CCDC148: variants seen among roughly 807,000 people sequenced by gnomAD.
The protein encoded by CCDC148 is coiled-coil domain containing 148, also known as coiled-coil domain-containing protein 148.
CCDC148 carries 89 observed loss-of-function variants against 85.7 expected under a neutral mutation model. The ratio of observed to expected loss-of-function variants is 1.04; its 90% CI spans 0.87 to 1.24. The LOEUF (loss-of-function observed/expected upper bound fraction) is 1.24, where lower values mean the gene tolerates loss of function less well. Ranked by LOEUF, CCDC148 falls within the 50% of genes most tolerant of loss-of-function variation. CCDC148 has a pLI of 0.00. For synonymous variants in CCDC148, 230 were observed against 213.9 expected, an observed-to-expected ratio of 1.08 and a Z score of -0.66; for missense variants, 692 against 671.7, an observed-to-expected ratio of 1.03 and a Z score of -0.33.
chr2:158,228,147 A>G (rs963898287), intron 10 of CCDC148, among the ~76,000 whole-genome samples: 102 of 152,186 alleles, frequency 6.7e-4, no homozygotes, highest in African/African-American at 2.3e-3. Context: ...AGTGGGCAAA[A>G]GATATGAACA....
At chr2:158,338,962 C>A (rs969568758) in intron 6 of CCDC148, 28 bp downstream of exon 6, 2 of 1,599,828 alleles carry the variant, frequency 1.3e-6, no homozygotes, top group Non-Finnish European at 1.7e-6. Context: ...TTGATAAACA[C>A]ATAAATTATT....
intron 1 of CCDC148, among the ~76,000 whole-genome samples, chr2:158,439,323 G>A (rs989502794): frequency 2.0e-5 from 3 of 151,548 alleles, no homozygotes; most frequent in African/African-American, 7.2e-5. Flanking sequence ...CATGTCCTTT[G>A]TAGGGACATG....
At chr2:158,185,848 T>C (rs190151245) in intron 11 of CCDC148, among the ~76,000 whole-genome samples, 22 of 152,236 alleles carry the variant, frequency 1.4e-4, no homozygotes, top group African/African-American at 4.8e-4. Flanking sequence ...ATGGGGCTCA[T>C]TGTTTATAGA....
Position 158,340,381 on chromosome 2 carries a change from G to A in CCDC148, c.347C>T (p.Ser116Leu). ...CDLTNFEQEL[S>L]EQQCTYLKNV... ...TTTAAGATATGTGCACTGTTGTTCTGATAGCTCTTGCTCTATGGTGAAACA... is the reference window on the plus strand; with the variant it reads ...TTTAAGATATGTGCACTGTTGTTCTAATAGCTCTTGCTCTATGGTGAAACA... Residue 116 changes from serine to leucine, a missense_variant, in exon 5 of 14, where the codon TCA becomes TTA. Transcript: ENST00000283233. 6.2e-7 allele frequency: 1 copy of A among 1,613,506 alleles called. No homozygotes were observed. Among genetic ancestry groups the A allele is most frequent in the Non-Finnish European group, 8.5e-7 (1 of 1,179,798 alleles).
chr2:158,284,832 T>G (rs2105180598), intron 9 of CCDC148, among the ~76,000 whole-genome samples: 1 of 152,252 alleles, frequency 6.6e-6, no homozygotes, highest in South Asian at 2.1e-4. Context: ...TCTGTAGAAA[T>G]TATCACAAAC....
At chr2:158,314,985 T>C (rs1349799062) in intron 7 of CCDC148, among the ~76,000 whole-genome samples, 1 of 152,178 alleles carries the variant, frequency 6.6e-6, no homozygotes, top group Non-Finnish European at 1.5e-5. Flanking sequence ...ATTATTATTC[T>C]GATAAGTAGC....
In CCDC148 at chr2:158,336,376, T is replaced by C. The variant is rs530489161; in HGVS notation, c.764+2350A>G. ...CAGTTTTTATTGATGCTTCATTATTTCCTGCCAGCATATTTATAAAATATT... is the reference window on the plus strand; with the variant it reads ...CAGTTTTTATTGATGCTTCATTATTCCCTGCCAGCATATTTATAAAATATT... On this transcript the variant is annotated intron_variant, in intron 7 of 13. Transcript: ENST00000283233. Among the ~76,000 whole-genome samples the C allele has an allele frequency of 3.9e-5, 6 of 152,316 alleles. No homozygotes were observed. The East Asian group carries it at 1.2e-3, about 29-fold the overall frequency.
chr2:158,175,515 T>A (rs1353951450), intron 13 of CCDC148, among the ~76,000 whole-genome samples: 2 of 151,978 alleles, frequency 1.3e-5, no homozygotes, highest in African/African-American at 4.8e-5. Flanking sequence ...ATTACAGAGT[T>A]GATCCCACCC....
rs1684736039 is a variant in CCDC148, at chr2:158,178,994, A to G, written c.1373T>C (p.Val458Ala). ...AEQSLKDRER[V>A]KYRQELLERR... ...TTCCAATAATTCTTGTCTATATTTA[A>G]CCCTTTAAAAATAACACAGAAGGAA... Residue 458 changes from valine (V) to alanine (A), a missense_variant and splice_region_variant, in exon 12 of 14, where the codon GTT becomes GCT. By Grantham distance (64) the Val-to-Ala change is moderately conservative (BLOSUM62 0). Coordinates refer to ENST00000283233, the MANE Select transcript of CCDC148 (RefSeq NM_138803.4). The G allele has an allele frequency of 6.2e-7, 1 of 1,608,220 alleles. No individual in the cohort carries two copies. Among genetic ancestry groups the G allele is most frequent in the Admixed American group, 1.7e-5 (1 of 59,898 alleles).
At chr2:158,277,839 G>A (rs949587999) in intron 9 of CCDC148, among the ~76,000 whole-genome samples, 11 of 152,040 alleles carry the variant, frequency 7.2e-5, no homozygotes, top group Non-Finnish European at 1.5e-4. Flanking sequence ...CTTGTGATCC[G>A]CCCACTTCAG....
intron 7 of CCDC148, among the ~76,000 whole-genome samples, chr2:158,319,692 C>A (rs1692437138): frequency 1.3e-5 from 2 of 152,084 alleles, no homozygotes; most frequent in Non-Finnish European, 1.5e-5. Flanking sequence ...TGACAGCAAA[C>A]TGAAAAAGAG....
At chr2:158,294,975 GC>G (rs1442799164) in intron 9 of CCDC148, among the ~76,000 whole-genome samples, 1 of 151,928 alleles carries the variant, frequency 6.6e-6, no homozygotes, top group African/African-American at 2.4e-5. Flanking sequence ...AATACTAATA[GC>G]CCCCTGTGGT....
intron 9 of CCDC148, among the ~76,000 whole-genome samples, chr2:158,261,269 A>C (rs946278850): frequency 2.6e-5 from 4 of 152,090 alleles, no homozygotes; most frequent in Non-Finnish European, 5.9e-5. Flanking sequence ...GTAATGGGGA[A>C]AAGACTCCCT....
intron 11 of CCDC148, among the ~76,000 whole-genome samples, chr2:158,204,637 C>T (rs1686142396): frequency 6.6e-6 from 1 of 152,116 alleles, no homozygotes; most frequent in Admixed American, 6.6e-5. Flanking sequence ...TTATTCCCCT[C>T]CCCTGCCATT....
intron 1 of CCDC148, among the ~76,000 whole-genome samples, chr2:158,429,371 A>T (rs1199315215): frequency 6.6e-6 from 1 of 151,522 alleles, no homozygotes; most frequent in East Asian, 1.9e-4. Context: ...ATAGATAGAT[A>T]GATAGATAGA....
At chr2:158,375,617 C>T (rs1684618726) in intron 1 of CCDC148, among the ~76,000 whole-genome samples, 1 of 152,088 alleles carries the variant, frequency 6.6e-6, no homozygotes. Flanking sequence ...CTAACACATT[C>T]TAATTTTGTT....
At chr2:158,421,191 T>A (rs1686762399) in intron 1 of CCDC148, among the ~76,000 whole-genome samples, 2 of 151,706 alleles carry the variant, frequency 1.3e-5, no homozygotes, top group South Asian at 4.2e-4. Context: ...AGACAGAAAG[T>A]TAACAAGGAT....
chr2:158,280,843 C>A (rs933158390), intron 9 of CCDC148, among the ~76,000 whole-genome samples: 4 of 152,162 alleles, frequency 2.6e-5, no homozygotes, highest in African/African-American at 9.7e-5. Flanking sequence ...AGCACCACAC[C>A]ACACCTATTC....
chr2:158,295,136 A>C lies in CCDC148; in HGVS notation c.1110+14297T>G, dbSNP rs546670679. On this transcript the variant is annotated intron_variant, in intron 9 of 13. Transcript: ENST00000283233. ...CTAGAAAATCTAGAAGAAATGGATA[A>C]ATTCCTCGACACATACACCCTCTCA... is the stretch of plus-strand genomic sequence containing the variant. Among the ~76,000 whole-genome samples, 22 of 152,280 alleles carry C rather than the reference A, an allele frequency of 1.4e-4. No individual in the cohort carries two copies. In the East Asian group the frequency reaches 4.1e-3, roughly 28 times the overall value.
Sources: gnomAD v4.1 joint callset for allele counts (sites outside exome capture counted in the v4.1 genomes callset) on GRCh38, gnomAD v4.1.1 for gene constraint, MANE v1.5 for transcripts, NCBI Gene and HGNC (gene_info 2026-07-23, HGNC 2026-07-21) for gene names.